STK38: variants seen among roughly 807,000 people sequenced by gnomAD.
The protein encoded by STK38 is serine/threonine kinase 38.
A neutral mutation model predicts 59.0 loss-of-function variants in STK38; 26 were observed. That is an observed-to-expected ratio of 0.44 (90% CI 0.32 to 0.61). The LOEUF is 0.61. Ranked by LOEUF, STK38 falls within the 20% of genes least tolerant of loss-of-function variation. The probability of loss-of-function intolerance (pLI) is 0.04; values close to 1 mark genes in which losing one functional copy is unlikely to be tolerated. For synonymous variants in STK38, 175 were observed against 176.6 expected (o/e 0.99, Z 0.07); for missense variants, 433 against 566.0 (o/e 0.76, Z 2.38).
chr6:36,496,875 T>G (rs1169711880), intron 12 of STK38, 70 bp from the exon 13 acceptor site: 11 of 1,134,046 alleles, frequency 9.7e-6, no homozygotes, highest in Non-Finnish European at 1.4e-5. Context: ...CAAGTCTTTC[T>G]CCAAAAAAGA....
intron 7 of STK38, among the ~76,000 whole-genome samples, chr6:36,514,154 CAA>C (rs762095229): frequency 1.0e-4 from 8 of 78,920 alleles, no homozygotes; most frequent in Non-Finnish European, 1.1e-4. Context: ...GACTCCGTCT[CAA>C]AAAAAAAAAA....
chr6:36,515,308 G>A lies in STK38; in HGVS notation c.669+30C>T, dbSNP rs766698332. 33 of 1,609,828 alleles carry A rather than the reference G, an allele frequency of 2.0e-5. No homozygotes were observed. The South Asian group carries it at 3.1e-4, about 15-fold the overall frequency. The stretch of plus-strand genomic sequence containing the variant: ...AGAGGCTGCTCAGATCAGTAAACGT[G>A]CATAGTTCATGCCAATGCCCCCCCA... On this transcript the variant is annotated intron_variant, in intron 7 of 13. Coordinates refer to ENST00000229812, the MANE Select transcript of STK38 (RefSeq NM_007271.4).
In STK38 at chr6:36,535,719, T is replaced by A. The variant is rs540430418; in HGVS notation, c.131+4353A>T. Among the ~76,000 whole-genome samples, 21 of 151,456 alleles carry A rather than the reference T, an allele frequency of 1.4e-4. No homozygotes were observed. In the East Asian group the frequency reaches 3.9e-3, roughly 28 times the overall value. On this transcript the variant is annotated intron_variant, in intron 2 of 13. Transcript: ENST00000229812. ...GGTGAAACCCCATCTCTACTAAAAA[T>A]ACAAGAATTAGCTGGGTGTGGTGGC...
intron 3 of STK38, among the ~76,000 whole-genome samples, chr6:36,525,063 G>A (rs998390513): frequency 5.3e-5 from 8 of 152,184 alleles, no homozygotes; most frequent in South Asian, 4.2e-4. Flanking sequence ...ATGACACACC[G>A]GGGCCTGTCG....
chr6:36,545,081 G>A (rs1326780293), intron 1 of STK38, among the ~76,000 whole-genome samples: 5 of 152,024 alleles, frequency 3.3e-5, no homozygotes, highest in African/African-American at 1.2e-4. Flanking sequence ...CCTGAAGTCA[G>A]GAGTTGGAGA....
At position 36,497,850 on chromosome 6, in the gene STK38, T is replaced by C. The variant is rs1776742004; in HGVS notation, c.1102A>G (p.Ile368Val). Residue 368 changes from isoleucine to valine, a missense_variant, in exon 12 of 14, where the codon ATT (isoleucine) becomes GTT (valine). Ile to Val is a conservative substitution (Grantham distance 29). Around this residue, in one of 3 missense-constraint regions of STK38, gnomAD observed 136 missense variants for 156.7 expected, o/e 0.87. Coordinates refer to ENST00000229812, the MANE Select transcript of STK38 (RefSeq NM_007271.4). ...LRFCCEWEHR[I>V]GAPGVEEIKS... ...ATTTCCTCAACTCCAGGAGCTCCAA[T>C]TCTATGTTCCCATTCACAGCAGAAC... 1.2e-6 allele frequency: 2 copies of C among 1,613,580 alleles called. No individual in the cohort carries two copies. Among genetic ancestry groups the C allele is most frequent in the African/African-American group, 1.3e-5 (1 of 74,982 alleles).
chr6:36,498,778 A>G (rs1000519068), intron 10 of STK38, among the ~76,000 whole-genome samples: 2 of 151,940 alleles, frequency 1.3e-5, no homozygotes, highest in African/African-American at 4.8e-5. Context: ...TTTTGTAAAG[A>G]CAGAGTCTTG....
intron 1 of STK38, among the ~76,000 whole-genome samples, chr6:36,542,248 G>A (rs1777955949): frequency 6.6e-6 from 1 of 152,094 alleles, no homozygotes; most frequent in African/African-American, 2.4e-5. Flanking sequence ...ATACATATAT[G>A]CTCTGACACA....
At chr6:36,534,710 AC>A (rs1385959595) in intron 2 of STK38, among the ~76,000 whole-genome samples, 1 of 152,120 alleles carries the variant, frequency 6.6e-6, no homozygotes, top group African/African-American at 2.4e-5. Context: ...AACTGCCTCA[AC>A]CTATAAAGGG....
rs1243064254 is a variant in STK38 at position 36,534,827 on chromosome 6, GCA to G, written c.131+5243_131+5244del. 2.0e-5 allele frequency among the ~76,000 whole-genome samples: 3 copies of G among 147,928 alleles called. No individual in the cohort carries two copies. The East Asian group carries it at 5.9e-4, about 29-fold the overall frequency. On this transcript the variant is annotated intron_variant, in intron 2 of 13. Coordinates refer to ENST00000229812, the MANE Select transcript of STK38 (RefSeq NM_007271.4). ...ACATTTTATGGAATTCCCAGCTAGTGCACTAAGGCAAGGAAAAAAAAAAAAAA... is the reference window on the plus strand; with the variant it reads ...ACATTTTATGGAATTCCCAGCTAGTGCTAAGGCAAGGAAAAAAAAAAAAAA...
At chr6:36,506,761 A>G (rs1050706588) in intron 8 of STK38, 117 bp from the exon 9 acceptor site, 3 of 836,710 alleles carry the variant, frequency 3.6e-6, no homozygotes, top group Non-Finnish European at 5.6e-6. Context: ...TTCTACTCAT[A>G]CATCAAAAGC....
intron 2 of STK38, among the ~76,000 whole-genome samples, chr6:36,537,452 A>G (rs577639552): frequency 2.0e-5 from 3 of 152,352 alleles, no homozygotes; most frequent in African/African-American, 7.2e-5. Flanking sequence ...AAAAATGTTC[A>G]TAGAAGTTTA....
chr6:36,504,916 A>G (rs1346560538), intron 9 of STK38, among the ~76,000 whole-genome samples: 11 of 150,862 alleles, frequency 7.3e-5, no homozygotes, highest in African/African-American at 2.4e-4. Flanking sequence ...AAAAAAAAAA[A>G]AAAAAAGAAA....
At chr6:36,514,421 C>G (rs1031586897) in intron 7 of STK38, among the ~76,000 whole-genome samples, 8 of 151,802 alleles carry the variant, frequency 5.3e-5, no homozygotes, top group African/African-American at 1.2e-4. Flanking sequence ...TTTCACCTTA[C>G]AAGAAAAATT....
intron 10 of STK38, 103 bp from the exon 11 acceptor site, chr6:36,498,589 C>CTTTTTTTTTT (rs374274208): frequency 2.1e-6 from 2 of 936,310 alleles, no homozygotes; most frequent in Non-Finnish European, 2.9e-6. Context: ...TTTCTTTTTT[C>CTTTTTTTTTT]TTTTTTTTTT....
chr6:36,508,072 C>G (rs779451220), intron 7 of STK38, among the ~76,000 whole-genome samples: 1 of 151,520 alleles, frequency 6.6e-6, no homozygotes, highest in Non-Finnish European at 1.5e-5. Context: ...TAGCTGGGAC[C>G]TCAGTTGTGT....
At chr6:36,542,910 C>G (rs1777973487) in intron 1 of STK38, among the ~76,000 whole-genome samples, 1 of 152,008 alleles carries the variant, frequency 6.6e-6, no homozygotes, top group Non-Finnish European at 1.5e-5. Context: ...CATGCCACTG[C>G]ACTCCACCTG....
chr6:36,512,963 G>A lies in STK38; in HGVS notation c.669+2375C>T, dbSNP rs552403330. Among the ~76,000 whole-genome samples the A allele has an allele frequency of 2.0e-3, 302 of 151,844 alleles. 1 individual carries two copies. The highest frequency in any genetic ancestry group is 3.7e-3 in the Non-Finnish European group (250 of 67,922). On this transcript the variant is annotated intron_variant, in intron 7 of 13. Transcript: ENST00000229812. ...ACGTGGGCCACCGCGCCTGGCCAGC[G>A]TAATTTTTCTTCTTTAATACTGTCT... is the stretch of plus-strand genomic sequence containing the variant.
intron 9 of STK38, among the ~76,000 whole-genome samples, chr6:36,501,836 C>T (rs1248356320): frequency 6.6e-6 from 1 of 152,204 alleles, no homozygotes; most frequent in Non-Finnish European, 1.5e-5. Flanking sequence ...TTTATCCGTT[C>T]TTCTGTAATG....
Sources: gnomAD v4.1 joint callset for allele counts (sites outside exome capture counted in the v4.1 genomes callset) on GRCh38, gnomAD v4.1.1 for gene constraint, gnomAD v4.1.1 regional missense constraint, MANE v1.5 for transcripts, NCBI Gene and HGNC (gene_info 2026-07-23, HGNC 2026-07-21) for gene names.